Variants in PTPRD observed in about 807,000 individuals in gnomAD.
PTPRD encodes the protein protein tyrosine phosphatase receptor type D.
In PTPRD, 34 loss-of-function variants were observed where a neutral mutation model predicts 214.5. The observed-to-expected ratio is 0.16, with a 90% CI of 0.12 to 0.21. The LOEUF is 0.21. Ranked by LOEUF, PTPRD falls within the 10% of genes least tolerant of loss-of-function variation. The probability of loss-of-function intolerance (pLI) is 1.00; values close to 1 mark genes in which losing one functional copy is unlikely to be tolerated. For synonymous variants in PTPRD, 1,128 were observed against 845.7 expected, an observed-to-expected ratio of 1.33 and a Z score of -5.79; for missense variants, 2,545 against 2,398.7, an observed-to-expected ratio of 1.06 and a Z score of -1.27.
chr9:9,438,987 A>G (rs1266148530), intron 8 of PTPRD, among the ~76,000 whole-genome samples: 5 of 152,150 alleles, frequency 3.3e-5, no homozygotes, highest in African/African-American at 1.2e-4. Flanking sequence ...TCAATATCCT[A>G]TATGAAATAA....
intron 11 of PTPRD, among the ~76,000 whole-genome samples, chr9:8,938,259 GA>G (rs766750431): frequency 1.1e-4 from 17 of 152,078 alleles, no homozygotes; most frequent in Admixed American, 2.0e-4. Flanking sequence ...GAGAAACAGA[GA>G]GGGGAGAAGA....
At chr9:8,389,430 C>A (rs1344052317) in intron 36 of PTPRD, 23 bp from the exon 37 acceptor site, 2 of 1,591,204 alleles carry the variant, frequency 1.3e-6, no homozygotes, top group Non-Finnish European at 1.7e-6. Flanking sequence ...GAGTGTTATT[C>A]AACCAGGTGA....
intron 9 of PTPRD, among the ~76,000 whole-genome samples, chr9:9,371,818 G>C (rs1211478280): frequency 6.6e-6 from 1 of 151,994 alleles, no homozygotes; most frequent in African/African-American, 2.4e-5. Flanking sequence ...TTGTGTCTTT[G>C]TTCTCGTTTG....
chr9:10,357,949 A>G (rs904357158), intron 2 of PTPRD, among the ~76,000 whole-genome samples: 1 of 152,188 alleles, frequency 6.6e-6, no homozygotes, highest in Non-Finnish European at 1.5e-5. Flanking sequence ...AGCTAAAGCA[A>G]TATTGACCAA....
chr9:9,065,800 C>G (rs1416647583), intron 10 of PTPRD, among the ~76,000 whole-genome samples: 1 of 151,938 alleles, frequency 6.6e-6, no homozygotes, highest in East Asian at 1.9e-4. Flanking sequence ...TCCAGTAGTT[C>G]TCTTTAGTGG....
At chr9:10,528,392 T>C (rs749637650) in intron 2 of PTPRD, among the ~76,000 whole-genome samples, 1 of 152,138 alleles carries the variant, frequency 6.6e-6, no homozygotes, top group Non-Finnish European at 1.5e-5. Context: ...CATATATAAA[T>C]GCTTCAAACA....
In PTPRD at chr9:9,788,169, TTTA is replaced by T. The variant is rs545525021; in HGVS notation, c.-367-21321_-367-21319del. Among the ~76,000 whole-genome samples, 196 of 152,230 alleles carry T rather than the reference TTTA, an allele frequency of 1.3e-3. 2 individuals carry two copies. In the Middle Eastern group the frequency reaches 0.041, roughly 32 times the overall value. On this transcript the variant is annotated intron_variant, in intron 5 of 45. Coordinates refer to ENST00000381196, the MANE Select transcript of PTPRD (RefSeq NM_002839.4). ...ATTTTTCTAAAAATGTTTCTTTCCTTTTATTGTTTTATACACATATGAATGTAC... is the reference window on the plus strand; with the variant it reads ...ATTTTTCTAAAAATGTTTCTTTCCTTTTGTTTTATACACATATGAATGTAC...
At chr9:8,728,023 G>A (rs183993928) in intron 12 of PTPRD, among the ~76,000 whole-genome samples, 144 of 152,248 alleles carry the variant, frequency 9.5e-4, no homozygotes, top group African/African-American at 3.3e-3. Context: ...CACGGCGGGC[G>A]GATCACCTGA....
rs184810694 is a variant in PTPRD at position 8,932,438 on chromosome 9, G to C, written c.-104+86259C>G. Among the ~76,000 whole-genome samples, 300 of 152,262 alleles carry C rather than the reference G, an allele frequency of 2.0e-3. 2 individuals carry two copies. Among genetic ancestry groups the C allele is most frequent in the African/African-American group, 6.9e-3 (287 of 41,562 alleles). ...TTTACCCAGTAGTCATTCAGGAGCAGGTTGTTCAGTTTCCATGTAGTTGTG... is the reference window on the plus strand; with the variant it reads ...TTTACCCAGTAGTCATTCAGGAGCACGTTGTTCAGTTTCCATGTAGTTGTG... On this transcript the variant is annotated intron_variant, in intron 11 of 45. Coordinates refer to ENST00000381196, the MANE Select transcript of PTPRD (RefSeq NM_002839.4).
At chr9:9,289,639 C>A (rs1259376688) in intron 9 of PTPRD, among the ~76,000 whole-genome samples, 1 of 151,770 alleles carries the variant, frequency 6.6e-6, no homozygotes, top group East Asian at 2.0e-4. Context: ...CAGCCCCCAG[C>A]CCCTAGGAAC....
intron 36 of PTPRD, among the ~76,000 whole-genome samples, chr9:8,394,714 A>G (rs533999341): frequency 6.6e-6 from 1 of 152,250 alleles, no homozygotes; most frequent in Non-Finnish European, 1.5e-5. Context: ...TTTAAGATAA[A>G]TAGAGGCTTT....
chr9:9,579,910 G>A (rs1671286953), intron 7 of PTPRD, among the ~76,000 whole-genome samples: 1 of 151,990 alleles, frequency 6.6e-6, no homozygotes, highest in Non-Finnish European at 1.5e-5. Context: ...AAGTCCATAT[G>A]AACATATTAT....
At chr9:10,523,651 AG>A (rs2053271386) in intron 2 of PTPRD, among the ~76,000 whole-genome samples, 2 of 146,268 alleles carry the variant, frequency 1.4e-5, no homozygotes, top group Non-Finnish European at 3.0e-5. Flanking sequence ...AGAGAGAGAG[AG>A]AGAGAAATAA....
intron 39 of PTPRD, among the ~76,000 whole-genome samples, chr9:8,352,064 T>C (rs1015935728): frequency 7.2e-6 from 1 of 138,060 alleles, no homozygotes; most frequent in Non-Finnish European, 1.5e-5. Flanking sequence ...AAAAAAAAAA[T>C]CCACATGGGC....
At chr9:8,459,811 G>A (rs1431225097) in intron 33 of PTPRD, among the ~76,000 whole-genome samples, 1 of 151,960 alleles carries the variant, frequency 6.6e-6, no homozygotes, top group Non-Finnish European at 1.5e-5. Context: ...ATCCCTTTTT[G>A]GACACATACA....
chr9:9,606,498 T>C (rs2094162993), intron 7 of PTPRD, among the ~76,000 whole-genome samples: 1 of 152,076 alleles, frequency 6.6e-6, no homozygotes, highest in Non-Finnish European at 1.5e-5. Context: ...TTGTGTCACA[T>C]GGCTTGTATG....
At chr9:9,260,849 T>C (rs1054441937) in intron 9 of PTPRD, among the ~76,000 whole-genome samples, 3 of 151,888 alleles carry the variant, frequency 2.0e-5, no homozygotes, top group African/African-American at 7.2e-5. Flanking sequence ...ATGACAATCA[T>C]AAGTCTTTCT....
intron 5 of PTPRD, among the ~76,000 whole-genome samples, chr9:9,888,201 A>T (rs2071706634): frequency 6.6e-6 from 1 of 152,134 alleles, no homozygotes; most frequent in Admixed American, 6.6e-5. Context: ...CAATTCTGAG[A>T]TGTTATGGAG....
chr9:9,610,167 T>C (rs117605045), intron 7 of PTPRD, among the ~76,000 whole-genome samples: 2 of 152,260 alleles, frequency 1.3e-5, no homozygotes, highest in East Asian at 3.9e-4. Flanking sequence ...CGAAAGGCTT[T>C]TATAATGTAG....
Sources: gnomAD v4.1 joint callset for allele counts (sites outside exome capture counted in the v4.1 genomes callset) on GRCh38, gnomAD v4.1.1 for gene constraint, MANE v1.5 for transcripts, NCBI Gene and HGNC (gene_info 2026-07-23, HGNC 2026-07-21) for gene names.